NPSR1: variants seen among roughly 807,000 people sequenced by gnomAD.
NPSR1 encodes neuropeptide S receptor 1.
Under a neutral mutation model 46.9 loss-of-function variants are expected in NPSR1, and 48 were observed. The observed-to-expected ratio is 1.02, with a 90% CI of 0.81 to 1.30. The LOEUF is 1.30. Ranked by LOEUF, NPSR1 falls within the 50% of genes most tolerant of loss-of-function variation. The pLI is 0.00. For missense variants in NPSR1, 450 were observed against 449.5 expected (o/e 1.00, Z -0.01); for synonymous variants, 176 against 168.1 (o/e 1.05, Z -0.36).
At chr7:34,833,571 A>G (rs1790219151) in intron 5 of NPSR1, among the ~76,000 whole-genome samples, 1 of 152,242 alleles carries the variant, frequency 6.6e-6, no homozygotes, top group South Asian at 2.1e-4. Context: ...ACTGAGGCTC[A>G]GTGTAGTAGT....
At chr7:34,751,136 C>T in intron 2 of NPSR1, 3 of 897,066 alleles carry the variant, frequency 3.3e-6, no homozygotes, top group Non-Finnish European at 5.7e-6. Context: ...GTTTTCCACA[C>T]TGGCTGAGCA....
chr7:34,790,841 ATATATGTTATATGTTATGTTATATATGT>A (rs1554330751), intron 3 of NPSR1, among the ~76,000 whole-genome samples: 5 of 129,192 alleles, frequency 3.9e-5, no homozygotes, highest in Admixed American at 2.5e-4. Context: ...GTTATGTTAT[ATATATGTTATATGTTATGTTATATATGT>A]TATATGTTAT....
At chr7:34,796,519 AAC>A (rs1390569722) in intron 3 of NPSR1, among the ~76,000 whole-genome samples, 1 of 152,214 alleles carries the variant, frequency 6.6e-6, no homozygotes, top group African/African-American at 2.4e-5. Flanking sequence ...TGGTCAAAAA[AAC>A]AGACACCTCA....
At chr7:34,782,077 C>T (rs1036798661) in intron 3 of NPSR1, among the ~76,000 whole-genome samples, 3 of 152,162 alleles carry the variant, frequency 2.0e-5, no homozygotes, top group Admixed American at 6.5e-5. Context: ...TACGCCTTGC[C>T]CCAACCCTGA....
intron 6 of NPSR1, among the ~76,000 whole-genome samples, chr7:34,834,835 G>A (rs1431881485): frequency 6.6e-6 from 1 of 152,216 alleles, no homozygotes; most frequent in Non-Finnish European, 1.5e-5. Flanking sequence ...GATGAGCATA[G>A]GCTTTTCTGA....
chr7:34,828,166 T>C (rs1292243354), intron 5 of NPSR1, among the ~76,000 whole-genome samples: 1 of 152,198 alleles, frequency 6.6e-6, no homozygotes, highest in Non-Finnish European at 1.5e-5. Flanking sequence ...GGAATATATT[T>C]TGGAAGCCAC....
intron 2 of NPSR1, among the ~76,000 whole-genome samples, chr7:34,744,569 G>A (rs1412010615): frequency 1.3e-5 from 2 of 152,160 alleles, no homozygotes; most frequent in Non-Finnish European, 2.9e-5. Context: ...CTTCCTTCTA[G>A]TGTTACCCTT....
chr7:34,786,799 T>C (rs1024795533), intron 3 of NPSR1, among the ~76,000 whole-genome samples: 5 of 152,126 alleles, frequency 3.3e-5, no homozygotes, highest in Admixed American at 1.3e-4. Context: ...GAAAGGAATC[T>C]TTTTTTCTGA....
intron 2 of NPSR1, among the ~76,000 whole-genome samples, chr7:34,754,567 C>A (rs1055716469): frequency 2.0e-5 from 3 of 151,936 alleles, no homozygotes; most frequent in Admixed American, 2.0e-4. Flanking sequence ...CAAGAGTAAG[C>A]CCTGAGGCCC....
At position 34,814,680 on chromosome 7, in the gene NPSR1, G is replaced by A. The variant is rs184572834; in HGVS notation, c.478+2817G>A. ...CCTCATATAGGTGGGTGCCCCTCTG[G>A]GACAAAGCTTCCAGAGGAAGGATCA... On this transcript the variant is annotated intron_variant, in intron 4 of 8. Coordinates refer to ENST00000360581, the MANE Select transcript of NPSR1 (RefSeq NM_207172.2). Among the ~76,000 whole-genome samples, 14 of 152,282 alleles carry A rather than the reference G, an allele frequency of 9.2e-5. No homozygotes were observed. The East Asian group carries it at 2.7e-3, about 29-fold the overall frequency.
At chr7:34,694,873 C>A (rs200242490) in intron 2 of NPSR1, among the ~76,000 whole-genome samples, 1 of 152,130 alleles carries the variant, frequency 6.6e-6, no homozygotes, top group African/African-American at 2.4e-5. Flanking sequence ...CCATGCCCAG[C>A]TAATTTTTGT....
intron 1 of NPSR1, among the ~76,000 whole-genome samples, chr7:34,674,236 C>G (rs368014041): frequency 2.0e-5 from 3 of 152,084 alleles, no homozygotes; most frequent in Admixed American, 2.0e-4. Context: ...ACCAACTGTC[C>G]AGCTACTGCC....
At chr7:34,780,679 A>G (rs181151714) in intron 3 of NPSR1, among the ~76,000 whole-genome samples, 97 of 152,308 alleles carry the variant, frequency 6.4e-4, no homozygotes, top group Non-Finnish European at 1.2e-3. Context: ...AGCCTTAAAA[A>G]GTAATAGCTC....
At chr7:34,817,925 A>G (rs937716300) in intron 4 of NPSR1, among the ~76,000 whole-genome samples, 4 of 152,224 alleles carry the variant, frequency 2.6e-5, no homozygotes, top group Admixed American at 6.5e-5. Context: ...TCTCAAAATA[A>G]TAAGAGCTAT....
At chr7:34,803,491 C>T (rs62462944) in intron 3 of NPSR1, among the ~76,000 whole-genome samples, 7,561 of 151,724 alleles carry the variant, frequency 0.05, 260 homozygotes, top group Middle Eastern at 0.075. Flanking sequence ...ACCGCAGGTT[C>T]GCACTCATAG....
At chr7:34,747,909 G>A (rs538657672) in intron 2 of NPSR1, among the ~76,000 whole-genome samples, 17 of 152,238 alleles carry the variant, frequency 1.1e-4, no homozygotes, top group African/African-American at 4.1e-4. Context: ...TTAAAGAAGG[G>A]ATCTGGACAC....
chr7:34,750,454 G>A (rs928725128), intron 2 of NPSR1: 22 of 737,840 alleles, frequency 3.0e-5, no homozygotes, highest in Admixed American at 2.5e-4. Context: ...CGAAGTCATT[G>A]TCTGAGGCTG....
intron 1 of NPSR1, among the ~76,000 whole-genome samples, chr7:34,679,618 G>T (rs1792510470): frequency 6.6e-6 from 1 of 151,924 alleles, no homozygotes; most frequent in African/African-American, 2.4e-5. Context: ...ATGTTATTCT[G>T]GGCCTGCTAG....
chr7:34,836,655 G>A (rs1790382541), intron 6 of NPSR1, among the ~76,000 whole-genome samples: 1 of 143,640 alleles, frequency 7.0e-6, no homozygotes, highest in Non-Finnish European at 1.5e-5. Flanking sequence ...GAGAAAGAAA[G>A]ACAGAAAGAA....
Sources: gnomAD v4.1 joint callset for allele counts (sites outside exome capture counted in the v4.1 genomes callset) on GRCh38, gnomAD v4.1.1 for gene constraint, MANE v1.5 for transcripts, NCBI Gene and HGNC (gene_info 2026-07-23, HGNC 2026-07-21) for gene names.